The following NUP210 variants were observed in gnomAD, a reference collection of about 807,000 sequenced individuals.
NUP210 encodes nuclear pore membrane glycoprotein 210.
In NUP210, 151 loss-of-function variants were observed where a neutral mutation model predicts 196.0. The observed-to-expected ratio is 0.77, with a 90% CI of 0.67 to 0.88. The LOEUF is 0.88. Ranked by LOEUF, NUP210 falls within the 40% of genes least tolerant of loss-of-function variation. The pLI, the probability that NUP210 is intolerant of heterozygous loss-of-function variation, is 0.00. For synonymous variants in NUP210, 1,070 were observed against 1,052.7 expected (o/e 1.02, Z -0.32); for missense variants, 2,314 against 2,493.7 (o/e 0.93, Z 1.53).
At chr3:13,383,195 G>A (rs1186468876) in intron 6 of NUP210, among the ~76,000 whole-genome samples, 1 of 152,170 alleles carries the variant, frequency 6.6e-6, no homozygotes, top group Non-Finnish European at 1.5e-5. Context: ...TTCCATTGGT[G>A]TGTCTTGTTC....
In NUP210 at chr3:13,353,625, T is replaced by C. The variant is rs143511944; in HGVS notation, c.2557A>G (p.Thr853Ala). ...QAILVHEASG[T>A]TAITATATGY... ...GTGGCAGTGGCAGTGATGGCTGTGG[T>C]TCCTGATGCCTCGTGAACCAAAATG... Residue 853 changes from threonine (T) to alanine (A), a missense_variant, in exon 18 of 40, where the codon ACC (threonine) becomes GCC (alanine). By Grantham distance (58) the Thr-to-Ala change is moderately conservative (BLOSUM62 0). Coordinates refer to ENST00000254508, the MANE Select transcript of NUP210 (RefSeq NM_024923.4). 51 of 1,613,922 alleles carry C rather than the reference T, an allele frequency of 3.2e-5. No homozygotes were observed. Among genetic ancestry groups the C allele is most frequent in the Non-Finnish European group, 4.0e-5 (47 of 1,179,994 alleles).
At chr3:13,345,103 C>A (rs1226422113) in intron 20 of NUP210, 1 of 985,324 alleles carries the variant, frequency 1.0e-6, no homozygotes, top group Non-Finnish European at 1.2e-6. Flanking sequence ...CCTACGAGCA[C>A]ATCTTGATTG....
intron 1 of NUP210, among the ~76,000 whole-genome samples, chr3:13,405,327 ACT>A (rs1699970537): frequency 1.3e-5 from 2 of 152,158 alleles, no homozygotes; most frequent in Admixed American, 1.3e-4. Context: ...CTGCCTTCAG[ACT>A]CGAGCTGAAA....
chr3:13,332,755 A>G (rs1697049844), intron 28 of NUP210, among the ~76,000 whole-genome samples: 1 of 152,142 alleles, frequency 6.6e-6, no homozygotes, highest in Admixed American at 6.5e-5. Flanking sequence ...GGCCAAAGAT[A>G]TGATGAGAAA....
intron 16 of NUP210, among the ~76,000 whole-genome samples, chr3:13,355,227 T>C (rs1439169804): frequency 6.6e-6 from 1 of 152,176 alleles, no homozygotes; most frequent in Non-Finnish European, 1.5e-5. Flanking sequence ...TAGTTTTCCA[T>C]TCGGGGAGAG....
chr3:13,384,032 G>A (rs1013157815), intron 6 of NUP210, among the ~76,000 whole-genome samples: 1 of 152,050 alleles, frequency 6.6e-6, no homozygotes, highest in Admixed American at 6.5e-5. Context: ...GCGCAATCTC[G>A]GCTCACTGCA....
At chr3:13,416,876 G>A (rs1700365886) in intron 1 of NUP210, among the ~76,000 whole-genome samples, 1 of 152,208 alleles carries the variant, frequency 6.6e-6, no homozygotes, top group African/African-American at 2.4e-5. Context: ...TGACCGAAAA[G>A]AAACCAAAAT....
At chr3:13,393,884 C>A (rs768124880) in intron 3 of NUP210, among the ~76,000 whole-genome samples, 33 of 152,336 alleles carry the variant, frequency 2.2e-4, no homozygotes, top group Non-Finnish European at 4.3e-4. Context: ...CTCCCCTGTC[C>A]TGCAGGACAG....
intron 1 of NUP210, among the ~76,000 whole-genome samples, chr3:13,410,924 A>T (rs981774379): frequency 3.1e-5 from 4 of 128,740 alleles, no homozygotes; most frequent in African/African-American, 6.9e-5. Flanking sequence ...TCTCAAAAAA[A>T]AAAAAAAAAA....
At chr3:13,324,867 G>A (rs1696681963) in intron 33 of NUP210, among the ~76,000 whole-genome samples, 1 of 152,206 alleles carries the variant, frequency 6.6e-6, no homozygotes, top group Non-Finnish European at 1.5e-5. Context: ...GCTATGAGCT[G>A]AGCACCACCC....
intron 2 of NUP210, among the ~76,000 whole-genome samples, chr3:13,399,451 G>T (rs1413790773): frequency 2.0e-5 from 3 of 152,154 alleles, no homozygotes; most frequent in Non-Finnish European, 4.4e-5. Flanking sequence ...TCATAGTAAT[G>T]AGTTGCTACC....
chr3:13,383,335 A>G (rs1272762436), intron 6 of NUP210, among the ~76,000 whole-genome samples: 1 of 152,036 alleles, frequency 6.6e-6, no homozygotes, highest in African/African-American at 2.4e-5. Context: ...ACATCTCATG[A>G]CATGATGAAA....
intron 1 of NUP210, among the ~76,000 whole-genome samples, chr3:13,402,877 A>G (rs898898492): frequency 6.6e-6 from 1 of 152,172 alleles, no homozygotes; most frequent in Non-Finnish European, 1.5e-5. Flanking sequence ...ATTGGTTACA[A>G]TGGAGGAGGC....
Position 13,350,262 on chromosome 3 carries a change from G to C in NUP210, c.2835+1617C>G, listed in dbSNP as rs1013832627. Among the ~76,000 whole-genome samples the C allele has an allele frequency of 6.6e-6, 1 of 151,060 alleles. No individual in the cohort carries two copies. The highest frequency in any genetic ancestry group is 1.5e-5 in the Non-Finnish European group (1 of 67,922). The stretch of plus-strand genomic sequence containing the variant: ...GCAAAATAACACAGCCTGTGTGTTT[G>C]TGTGTGTGTGCGCGTGTGTTTTTGT... On this transcript the variant is annotated intron_variant, in intron 20 of 39. Transcript: ENST00000254508. The surrounding 1 kb of genome is among the most constrained non-coding windows in gnomAD (Gnocchi z 4.1).
Position 13,347,374 on chromosome 3 carries a change from T to C in NUP210, c.2836-4071A>G, listed in dbSNP as rs1697782726. On this transcript the variant is annotated intron_variant, in intron 20 of 39. Coordinates refer to ENST00000254508, the MANE Select transcript of NUP210 (RefSeq NM_024923.4). This position sits in a 1 kb window ranked among gnomAD's most constrained non-coding sequence, Gnocchi z 4.7. ...CATGGGTTCCGCCTAGAGGACTTGA[T>C]TGAAATGTAAAGAATCGTTGAAAAG... 1 of 972,420 alleles carries C rather than the reference T, an allele frequency of 1.0e-6. No individual in the cohort carries two copies. The highest frequency in any genetic ancestry group is 1.2e-6 in the Non-Finnish European group (1 of 818,280). 60.2% of individuals were successfully genotyped at this position (972,420 alleles called of 1,614,324 possible).
In NUP210 at chr3:13,354,495, C is replaced by T. The variant is rs116012630; in HGVS notation, c.2329-388G>A. 1.5e-3 allele frequency: 281 copies of T among 183,880 alleles called. 1 individual carries two copies. The highest frequency in any genetic ancestry group is 2.2e-3 in the Non-Finnish European group (193 of 87,128). The allele number at this position is 183,880 out of a possible 1,614,324, so 11.4% of individuals were successfully genotyped here. A position where few individuals can be genotyped will look rare whatever the true frequency, so the allele number is the denominator to read the frequency against. ...CCCACAGGAACTATCTGGTCCCAAA[C>T]GTCAACAGTGCTGAAGCTGGGAACC... is the stretch of plus-strand genomic sequence containing the variant. On this transcript the variant is annotated intron_variant, in intron 16 of 39. Coordinates refer to ENST00000254508, the MANE Select transcript of NUP210 (RefSeq NM_024923.4).
chr3:13,382,495 C>A (rs907529420), intron 6 of NUP210, among the ~76,000 whole-genome samples: 2 of 152,104 alleles, frequency 1.3e-5, no homozygotes, highest in Non-Finnish European at 2.9e-5. Flanking sequence ...TAGCAAAGGG[C>A]TGGCACAGAG....
In NUP210 at chr3:13,348,653, T is replaced by C. The variant is rs545277584; in HGVS notation, c.2835+3226A>G. ...GGGGATAAGAATGCTTAGGAGACGC[T>C]GCTTGTGGTCTCAGGCTCCTCGCCT... On this transcript the variant is annotated intron_variant, in intron 20 of 39. Coordinates refer to ENST00000254508, the MANE Select transcript of NUP210 (RefSeq NM_024923.4). The surrounding 1 kb of genome is among the most constrained non-coding windows in gnomAD (Gnocchi z 4.0). 1 of 985,464 alleles carries C rather than the reference T, an allele frequency of 1.0e-6. No individual in the cohort carries two copies. The highest frequency in any genetic ancestry group is 1.1e-4 in the East Asian group (1 of 8,810). 61.0% of individuals were successfully genotyped at this position (985,464 alleles called of 1,614,324 possible).
chr3:13,338,943 C>T (rs905277048), intron 25 of NUP210, among the ~76,000 whole-genome samples: 20 of 152,246 alleles, frequency 1.3e-4, no homozygotes, highest in Middle Eastern at 3.4e-3. Flanking sequence ...CCTTTACCTA[C>T]GCCCTCAGGA....
Sources: gnomAD v4.1 joint callset for allele counts (sites outside exome capture counted in the v4.1 genomes callset) on GRCh38, gnomAD v4.1.1 for gene constraint, Gnocchi (gnomAD v3.1) non-coding constraint, MANE v1.5 for transcripts, NCBI Gene and HGNC (gene_info 2026-07-23, HGNC 2026-07-21) for gene names.